YEATS2: variants seen among roughly 807,000 people sequenced by gnomAD.
YEATS2 encodes the protein YEATS domain-containing protein 2.
A neutral mutation model predicts 163.2 loss-of-function variants in YEATS2; 77 were observed. The ratio of observed to expected loss-of-function variants is 0.47; its 90% CI spans 0.39 to 0.57. The LOEUF is 0.57. YEATS2 is among the 20% of genes least tolerant of loss of function. The pLI, the probability that YEATS2 is intolerant of heterozygous loss-of-function variation, is 0.00. For missense variants in YEATS2, 1,549 were observed against 1,729.8 expected (o/e 0.90, Z 1.85); for synonymous variants, 631 against 645.1 (o/e 0.98, Z 0.33).
intron 21 of YEATS2, among the ~76,000 whole-genome samples, chr3:183,794,518 G>A (rs1029545014): frequency 2.0e-5 from 3 of 152,348 alleles, no homozygotes. Context: ...AGTTTGAAAT[G>A]TATTTCCTGT....
intron 21 of YEATS2, chr3:183,793,557 A>G (rs1386548195): frequency 4.9e-5 from 23 of 466,876 alleles, no homozygotes; most frequent in South Asian, 9.2e-5. Flanking sequence ...TGTAAGTTCT[A>G]GTTTCCTAAG....
intron 30 of YEATS2, chr3:183,810,118 C>G (rs775769514): frequency 9.5e-6 from 2 of 210,520 alleles, no homozygotes; most frequent in South Asian, 7.2e-5. Context: ...TCCCGTCTTT[C>G]TAGGAGATGG....
intron 21 of YEATS2, among the ~76,000 whole-genome samples, chr3:183,794,064 C>T (rs1238151690): frequency 6.6e-6 from 1 of 152,156 alleles, no homozygotes. Context: ...GAGATTCTGT[C>T]AGAGCACGCA....
chr3:183,707,678 A>ATTTTTTTTTT lies in YEATS2; in HGVS notation c.-19-7452_-19-7443dup, dbSNP rs1176429941. Among the ~76,000 whole-genome samples the ATTTTTTTTTT allele has an allele frequency of 1.5e-3, 158 of 106,108 alleles. 6 individuals are homozygous for ATTTTTTTTTT. Among genetic ancestry groups the ATTTTTTTTTT allele is most frequent in the East Asian group, 0.013 (43 of 3,384 alleles). 69.6% of individuals were successfully genotyped at this position (106,108 alleles called of 152,430 possible). ...ATTGTACTACTCCCCTTCCCCACCTATTTTTTTTTTTTTTTTTTTTTTTGA... is the reference window on the plus strand; with the variant it reads ...ATTGTACTACTCCCCTTCCCCACCTATTTTTTTTTTTTTTTTTTTTTTTTTTTTTTTTTGA... On this transcript the variant is annotated intron_variant, in intron 1 of 30. Transcript: ENST00000305135.
intron 1 of YEATS2, among the ~76,000 whole-genome samples, chr3:183,708,230 C>A (rs1311564012): frequency 6.9e-6 from 1 of 144,310 alleles, no homozygotes; most frequent in Admixed American, 7.4e-5. Flanking sequence ...GGCACGATCT[C>A]GGCTCACTGC....
At chr3:183,783,284 A>G (rs1346578491) in intron 19 of YEATS2, among the ~76,000 whole-genome samples, 1 of 152,254 alleles carries the variant, frequency 6.6e-6, no homozygotes, top group Admixed American at 6.5e-5. Context: ...GATCTCAGAA[A>G]CTAATAAATG....
At chr3:183,726,275 T>C (rs967551027) in intron 6 of YEATS2, among the ~76,000 whole-genome samples, 2 of 152,202 alleles carry the variant, frequency 1.3e-5, no homozygotes, top group Non-Finnish European at 2.9e-5. Flanking sequence ...AACTTTTGAC[T>C]ACTCTGAACC....
Position 183,809,156 on chromosome 3 carries a change from A to T in YEATS2, c.4146A>T (p.Thr1382=). The stretch of plus-strand genomic sequence containing the variant: ...AGGCTTTGGCAGTTGGATACCAGAC[A>T]GCTTCTCACAACAGGTATTACTATC... ...LRQALAVGYQ[T]ASHNRIPKEI... is the part of the protein sequence containing the mutation. Residue 1382 remains threonine (T), a synonymous_variant, in exon 30 of 31, where the codon ACA becomes ACT. Coordinates refer to ENST00000305135, the MANE Select transcript of YEATS2 (RefSeq NM_018023.5). 1 of 1,614,164 alleles carries T rather than the reference A, an allele frequency of 6.2e-7. No individual in the cohort carries two copies. The highest frequency in any genetic ancestry group is 2.2e-5 in the East Asian group (1 of 44,874).
At chr3:183,721,415 C>T (rs1357840076) in intron 4 of YEATS2, among the ~76,000 whole-genome samples, 2 of 152,154 alleles carry the variant, frequency 1.3e-5, no homozygotes, top group South Asian at 2.1e-4. Flanking sequence ...GATGTCTATA[C>T]TGAACTGAAG....
intron 8 of YEATS2, among the ~76,000 whole-genome samples, chr3:183,740,160 G>A (rs1718792095): frequency 6.7e-6 from 1 of 149,128 alleles, no homozygotes; most frequent in Admixed American, 6.7e-5. Context: ...TACCATCAGA[G>A]TGAACAGGCA....
At position 183,803,284 on chromosome 3, in the gene YEATS2, G is replaced by A; in HGVS notation, c.3531G>A (p.Lys1177=). 1 of 1,611,968 alleles carries A rather than the reference G, an allele frequency of 6.2e-7. No homozygotes were observed. Among genetic ancestry groups the A allele is most frequent in the Non-Finnish European group, 8.5e-7 (1 of 1,179,918 alleles). Residue 1177 remains lysine (K), a synonymous_variant, in exon 26 of 31, where the codon AAG becomes AAA. Coordinates refer to ENST00000305135, the MANE Select transcript of YEATS2 (RefSeq NM_018023.5). ...AAGATGCCAGCTGCTTTTCTGCAAAGTCTGTGGAGCAGTACTATGGCTGGA... is the reference window on the plus strand; with the variant it reads ...AAGATGCCAGCTGCTTTTCTGCAAAATCTGTGGAGCAGTACTATGGCTGGA... ...KSEDASCFSA[K]SVEQYYGWNI...
At chr3:183,748,322 T>G (rs1239818549) in intron 9 of YEATS2, among the ~76,000 whole-genome samples, 1 of 148,942 alleles carries the variant, frequency 6.7e-6, no homozygotes, top group Non-Finnish European at 1.5e-5. Flanking sequence ...TGGAGCAATC[T>G]TGGCTCACTG....
intron 17 of YEATS2, 73 bp downstream of exon 17, chr3:183,773,867 CA>C: frequency 6.8e-7 from 1 of 1,468,414 alleles, no homozygotes; most frequent in Non-Finnish European, 9.0e-7. Flanking sequence ...CATCTGAGGG[CA>C]GTTCTTACCT....
In YEATS2 at chr3:183,807,012, C is replaced by T. The variant is rs780117833; in HGVS notation, c.3931C>T (p.Gln1311Ter). Residue 1311 changes from glutamine to a stop codon, truncating the protein, a stop_gained, in exon 28 of 31, where the codon CAG becomes TAG. Coordinates refer to ENST00000305135, the MANE Select transcript of YEATS2 (RefSeq NM_018023.5). LOFTEE classifies it high-confidence loss of function. ...EPVKINIKKE[Q>*]EEKQEEVKFY... ...AGTGAAGATAAACATCAAGAAGGAGCAGGAAGAGAAACAAGAGGAAGTCAA... is the reference window on the plus strand; with the variant it reads ...AGTGAAGATAAACATCAAGAAGGAGTAGGAAGAGAAACAAGAGGAAGTCAA... The T allele has an allele frequency of 1.2e-6, 2 of 1,614,128 alleles. No individual in the cohort carries two copies. Among genetic ancestry groups the T allele is most frequent in the Non-Finnish European group, 8.5e-7 (1 of 1,180,022 alleles).
chr3:183,773,908 G>T, intron 17 of YEATS2, 114 bp downstream of exon 17: 1 of 1,276,724 alleles, frequency 7.8e-7, no homozygotes. Context: ...TAACTCTGTT[G>T]GGTGGTGTAA....
chr3:183,711,503 A>G (rs1419443345), intron 1 of YEATS2, among the ~76,000 whole-genome samples: 1 of 152,058 alleles, frequency 6.6e-6, no homozygotes, highest in East Asian at 1.9e-4. Flanking sequence ...TAAACATAAA[A>G]CATAATAGTT....
At chr3:183,752,323 C>G in intron 10 of YEATS2, 70 bp downstream of exon 10, 3 of 1,567,182 alleles carry the variant, frequency 1.9e-6, no homozygotes, top group Non-Finnish European at 2.6e-6. Flanking sequence ...CTTTCAGAGA[C>G]CTATAGTATA....
At chr3:183,736,241 ATCTT>A (rs1292360868) in intron 7 of YEATS2, among the ~76,000 whole-genome samples, 15 of 152,180 alleles carry the variant, frequency 9.9e-5, no homozygotes, top group African/African-American at 3.6e-4. Context: ...TGAACATATG[ATCTT>A]TCTTTAAGTC....
intron 13 of YEATS2, among the ~76,000 whole-genome samples, chr3:183,760,583 A>G (rs960371284): frequency 6.6e-6 from 1 of 152,178 alleles, no homozygotes; most frequent in African/African-American, 2.4e-5. Context: ...CAGCCTCCCA[A>G]AGTGCTGGGA....
Sources: gnomAD v4.1 joint callset for allele counts (sites outside exome capture counted in the v4.1 genomes callset) on GRCh38, gnomAD v4.1.1 for gene constraint, MANE v1.5 for transcripts, NCBI Gene and HGNC (gene_info 2026-07-23, HGNC 2026-07-21) for gene names.